OPHN1: variants seen among roughly 807,000 people sequenced by gnomAD.
OPHN1 encodes the protein oligophrenin-1.
OPHN1 carries 11 observed loss-of-function variants against 60.7 expected under a neutral mutation model. That is an observed-to-expected ratio of 0.18 (90% CI 0.11 to 0.30). The LOEUF is 0.30. Among genes scored for constraint, OPHN1 ranks in the 10% least tolerant of loss-of-function variants. The probability of loss-of-function intolerance (pLI) is 1.00; values close to 1 mark genes in which losing one functional copy is unlikely to be tolerated. For synonymous variants in OPHN1, 226 were observed against 222.6 expected, an observed-to-expected ratio of 1.02 and a Z score of -0.14; for missense variants, 449 against 611.0, an observed-to-expected ratio of 0.73 and a Z score of 2.80.
chrX:68,264,337 A>G (rs1454566710), intron 5 of OPHN1, among the ~76,000 whole-genome samples: 2 of 111,668 alleles, frequency 1.8e-5, no homozygotes, highest in African/African-American at 6.5e-5. Context: ...GAATGGGAGA[A>G]AATTTTTGCA....
chrX:68,046,304 T>C lies in OPHN1; in HGVS notation c.*868A>G, dbSNP rs1166466608. On this transcript the variant is annotated 3_prime_UTR_variant, in exon 25 of 25. Transcript: ENST00000355520. ...GCCTGGCCTCAATCCACCTTAACAA[T>C]TTTTCTAGCATTTGACCCCAAAATA... 8.9e-6 allele frequency: 1 copy of C among 112,060 alleles called. No individual in the cohort carries two copies. The highest frequency in any genetic ancestry group is 3.2e-5 in the African/African-American group (1 of 30,821). The allele number at this position is 112,060 out of a possible 1,213,427, so 9.2% of individuals were successfully genotyped here. A position where few individuals can be genotyped will look rare whatever the true frequency, so the allele number is the denominator to read the frequency against.
intron 9 of OPHN1, among the ~76,000 whole-genome samples, chrX:68,208,005 TCTTTCTTTCTTTCCTTTCTTTC>T (rs2077567197): frequency 2.7e-5 from 3 of 110,932 alleles, no homozygotes; most frequent in South Asian, 7.7e-4. Flanking sequence ...TCTTTCTCTC[TCTTTCTTTCTTTCCTTTCTTTC>T]CTTTCTTTCT....
intron 2 of OPHN1, among the ~76,000 whole-genome samples, chrX:68,416,063 TATATAGAGAG>T (rs1260481492): frequency 0.013 from 80 of 6,294 alleles, no homozygotes; most frequent in African/African-American, 0.023. Flanking sequence ...TATATATATA[TATATAGAGAG>T]AGAGAGAGAG....
intron 15 of OPHN1, among the ~76,000 whole-genome samples, chrX:68,127,758 T>A (rs1418840717): frequency 8.9e-6 from 1 of 111,771 alleles, no homozygotes. Flanking sequence ...TCTAGAACAA[T>A]GATTCTCAAA....
At chrX:68,419,538 AT>A (rs201633101) in intron 2 of OPHN1, among the ~76,000 whole-genome samples, 4,221 of 84,786 alleles carry the variant, frequency 0.05, 190 homozygotes, top group African/African-American at 0.13. Context: ...CTCCTTAACA[AT>A]TTTTTTTTTT....
chrX:68,208,084 T>C (rs1048752279), intron 9 of OPHN1, among the ~76,000 whole-genome samples: 2 of 108,234 alleles, frequency 1.8e-5, no homozygotes, highest in Non-Finnish European at 3.8e-5. Flanking sequence ...CTTTCATTCT[T>C]TCTTTCTTTC....
chrX:68,305,410 C>G (rs1368200582), intron 2 of OPHN1, among the ~76,000 whole-genome samples: 1 of 111,917 alleles, frequency 8.9e-6, no homozygotes, highest in Non-Finnish European at 1.9e-5. Context: ...ATGGCCTGCC[C>G]ATGGGGGCTT....
Position 68,210,192 on chromosome X carries a change from G to T in OPHN1, c.793C>A (p.Gln265Lys). 1 of 1,209,800 alleles carries T rather than the reference G, an allele frequency of 8.3e-7. No individual in the cohort carries two copies. The highest frequency in any genetic ancestry group is 1.1e-6 in the Non-Finnish European group (1 of 893,953). ...TAGAGATAGCCTTCAATAGTTGGCT[G>T]TCCTGGAAGTTTGCATGTCTGGGGA... is the stretch of plus-strand genomic sequence containing the variant. Reference protein sequence around the residue: ...EAPQTCKLPGQPTIEGYLYTQ... With the variant: ...EAPQTCKLPGKPTIEGYLYTQ... Residue 265 changes from glutamine (Q) to lysine (K), a missense_variant, in exon 9 of 25, where the codon CAG (glutamine) becomes AAG (lysine). Transcript: ENST00000355520.
intron 15 of OPHN1, among the ~76,000 whole-genome samples, chrX:68,150,875 G>A (rs1375095893): frequency 4.5e-5 from 5 of 111,907 alleles, no homozygotes; most frequent in African/African-American, 1.6e-4. Flanking sequence ...GGAATTCTAT[G>A]TCCATTATTA....
intron 2 of OPHN1, among the ~76,000 whole-genome samples, chrX:68,341,798 C>T (rs1827522270): frequency 9.1e-6 from 1 of 109,828 alleles, no homozygotes; most frequent in Non-Finnish European, 1.9e-5. Flanking sequence ...GATCGTGCCA[C>T]TGCACTCCAG....
At chrX:68,109,282 T>C (rs1422173843) in intron 18 of OPHN1, among the ~76,000 whole-genome samples, 1 of 111,948 alleles carries the variant, frequency 8.9e-6, no homozygotes, top group Non-Finnish European at 1.9e-5. Flanking sequence ...TATGTACTTT[T>C]GTGTCTTGTT....
chrX:68,241,939 A>T (rs1205229916), intron 5 of OPHN1, among the ~76,000 whole-genome samples: 2 of 110,814 alleles, frequency 1.8e-5, no homozygotes, highest in Non-Finnish European at 3.8e-5. Context: ...GAAAAAACTC[A>T]ACAATAAGAA....
chrX:68,221,104 G>T (rs1362893042), intron 6 of OPHN1, among the ~76,000 whole-genome samples: 1 of 95,560 alleles, frequency 1.0e-5, no homozygotes, highest in Admixed American at 1.2e-4. Context: ...CAAAATCAAT[G>T]TACAAAAATC....
chrX:68,225,625 C>A (rs1313508219), intron 6 of OPHN1, among the ~76,000 whole-genome samples: 1 of 112,119 alleles, frequency 8.9e-6, no homozygotes, highest in Non-Finnish European at 1.9e-5. Flanking sequence ...TGCAGTGGAC[C>A]TCTAGCAAAC....
At chrX:68,172,830 G>A (rs954999116) in intron 15 of OPHN1, among the ~76,000 whole-genome samples, 1 of 111,034 alleles carries the variant, frequency 9.0e-6, no homozygotes, top group African/African-American at 3.3e-5. Context: ...CTCGGTATCC[G>A]TTCTGAATAT....
intron 16 of OPHN1, among the ~76,000 whole-genome samples, chrX:68,113,982 G>GA (rs35991802): frequency 9.8e-6 from 1 of 102,225 alleles, no homozygotes; most frequent in African/African-American, 3.6e-5. Context: ...AAAAAAAAAA[G>GA]AAAAAAAAAA....
chrX:68,078,658 C>T (rs926229969), intron 19 of OPHN1, among the ~76,000 whole-genome samples: 1 of 110,902 alleles, frequency 9.0e-6, no homozygotes, highest in Non-Finnish European at 1.9e-5. Context: ...GATGGCGTCA[C>T]CTCATACTTC....
chrX:68,225,017 C>T (rs989993908), intron 6 of OPHN1, among the ~76,000 whole-genome samples: 1 of 112,154 alleles, frequency 8.9e-6, no homozygotes, highest in African/African-American at 3.2e-5. Flanking sequence ...CGGGACACTC[C>T]CACCCTAATA....
intron 5 of OPHN1, among the ~76,000 whole-genome samples, chrX:68,273,021 G>A (rs1481360414): frequency 2.7e-5 from 3 of 111,539 alleles, no homozygotes; most frequent in Non-Finnish European, 5.6e-5. Flanking sequence ...AACTCACTTT[G>A]CTTGAACACC....
Sources: allele counts gnomAD v4.1 joint callset (sites outside exome capture counted in the v4.1 genomes callset), GRCh38; gene constraint gnomAD v4.1.1; transcripts MANE v1.5; gene names NCBI Gene and HGNC (gene_info 2026-07-23, HGNC 2026-07-21).